ANGPT1: variants seen among roughly 807,000 people sequenced by gnomAD.
ANGPT1 encodes angiopoietin 1.
In ANGPT1, 17 loss-of-function variants were observed where a neutral mutation model predicts 62.2. The ratio of observed to expected loss-of-function variants is 0.27; its 90% CI spans 0.19 to 0.41. The LOEUF (loss-of-function observed/expected upper bound fraction) is 0.41, where lower values mean the gene tolerates loss of function less well. Ranked by LOEUF, ANGPT1 falls within the 10% of genes least tolerant of loss-of-function variation. The pLI is 1.00. For synonymous variants in ANGPT1, 199 were observed against 198.9 expected, an observed-to-expected ratio of 1.00 and a Z score of 0.00; for missense variants, 478 against 594.9, an observed-to-expected ratio of 0.80 and a Z score of 2.04.
At chr8:107,261,245 A>T (rs1813482974) in intron 8 of ANGPT1, among the ~76,000 whole-genome samples, 1 of 148,894 alleles carries the variant, frequency 6.7e-6, no homozygotes, top group Non-Finnish European at 1.5e-5. Context: ...ATCAGGAAAA[A>T]GCTCAAGACC....
At chr8:107,255,441 C>A (rs1019793783) in intron 8 of ANGPT1, among the ~76,000 whole-genome samples, 1 of 152,096 alleles carries the variant, frequency 6.6e-6, no homozygotes, top group Non-Finnish European at 1.5e-5. Context: ...TAGACATTTT[C>A]TTTTGGGCAA....
chr8:107,322,225 AT>A, intron 3 of ANGPT1, 97 bp from the exon 4 acceptor site: 1 of 856,180 alleles, frequency 1.2e-6, no homozygotes, highest in Non-Finnish European at 1.8e-6. Context: ...AAGATGAGAA[AT>A]TTTACATTTC....
intron 1 of ANGPT1, among the ~76,000 whole-genome samples, chr8:107,475,955 G>A (rs566579156): frequency 3.9e-5 from 6 of 152,144 alleles, no homozygotes; most frequent in Non-Finnish European, 8.8e-5. Flanking sequence ...GAGAGGATGT[G>A]GAGAAATAAG....
chr8:107,346,871 T>G, intron 2 of ANGPT1, 71 bp downstream of exon 2: 2 of 1,385,454 alleles, frequency 1.4e-6, no homozygotes, highest in Non-Finnish European at 2.0e-6. Context: ...GTGCTCTGTG[T>G]TTATGGAGAA....
chr8:107,289,105 A>G (rs1814212945), intron 6 of ANGPT1, among the ~76,000 whole-genome samples: 1 of 152,142 alleles, frequency 6.6e-6, no homozygotes, highest in South Asian at 2.1e-4. Context: ...CAATCACCTG[A>G]AAGGTTTTGA....
At chr8:107,449,352 T>G (rs917365675) in intron 1 of ANGPT1, among the ~76,000 whole-genome samples, 7 of 150,750 alleles carry the variant, frequency 4.6e-5, no homozygotes, top group African/African-American at 1.7e-4. Flanking sequence ...TTTACTGACT[T>G]TATAAACCCC....
At chr8:107,317,691 C>T (rs547878677) in intron 4 of ANGPT1, among the ~76,000 whole-genome samples, 18 of 150,368 alleles carry the variant, frequency 1.2e-4, no homozygotes, top group East Asian at 5.9e-4. Context: ...AGTGCAGTGG[C>T]GTGATCTCAG....
chr8:107,386,535 G>A (rs1268791853), intron 1 of ANGPT1, among the ~76,000 whole-genome samples: 17 of 152,080 alleles, frequency 1.1e-4, no homozygotes. Context: ...TTTCAATGGT[G>A]TATTTGTTAG....
chr8:107,280,436 G>A (rs13257393), intron 7 of ANGPT1, among the ~76,000 whole-genome samples: 21,091 of 152,066 alleles, frequency 0.14, 1,695 homozygotes, highest in East Asian at 0.35. Flanking sequence ...AACATTTCCC[G>A]GAAGTGGAAG....
rs147171808 is a variant in ANGPT1 at position 107,469,802 on chromosome 8, C to T, written c.297+27460G>A. ...TAGATTTCTGGCTTTTAAAATTGTACTTCATAAGCTCCTAACACACAACAG... is the reference window on the plus strand; with the variant it reads ...TAGATTTCTGGCTTTTAAAATTGTATTTCATAAGCTCCTAACACACAACAG... On this transcript the variant is annotated intron_variant, in intron 1 of 8. Transcript: ENST00000517746. Among the ~76,000 whole-genome samples, 90 of 152,094 alleles carry T rather than the reference C, an allele frequency of 5.9e-4. No homozygotes were observed. In the Middle Eastern group the frequency reaches 0.01, roughly 17 times the overall value.
chr8:107,421,331 C>T (rs1438777323), intron 1 of ANGPT1, among the ~76,000 whole-genome samples: 1 of 152,022 alleles, frequency 6.6e-6, no homozygotes, highest in Non-Finnish European at 1.5e-5. Context: ...GGAAATCTGC[C>T]AGTAAAAGAA....
chr8:107,459,366 A>G (rs1034884350), intron 1 of ANGPT1, among the ~76,000 whole-genome samples: 8 of 152,064 alleles, frequency 5.3e-5, no homozygotes, highest in Admixed American at 3.9e-4. Context: ...CCTGGCCAAC[A>G]TGGTGAAACC....
chr8:107,425,209 TGGAAAAATCACATTGAA>T (rs1465519932), intron 1 of ANGPT1, among the ~76,000 whole-genome samples: 1 of 152,196 alleles, frequency 6.6e-6, no homozygotes, highest in Non-Finnish European at 1.5e-5. Flanking sequence ...TTCTATGCAT[TGGAAAAATCACATTGAA>T]GGAATATTGT....
chr8:107,320,192 G>A (rs146663655), intron 4 of ANGPT1, among the ~76,000 whole-genome samples: 30 of 152,272 alleles, frequency 2.0e-4, no homozygotes, highest in Middle Eastern at 6.8e-3. Flanking sequence ...TTGAACAGAT[G>A]TTTGCTTCCC....
chr8:107,467,279 C>T (rs1450816369), intron 1 of ANGPT1, among the ~76,000 whole-genome samples: 1 of 151,496 alleles, frequency 6.6e-6, no homozygotes, highest in Non-Finnish European at 1.5e-5. Flanking sequence ...AGTGGTACAA[C>T]TATTAAGTAC....
At chr8:107,298,426 G>C (rs1814472370) in intron 5 of ANGPT1, among the ~76,000 whole-genome samples, 1 of 151,810 alleles carries the variant, frequency 6.6e-6, no homozygotes, top group African/African-American at 2.4e-5. Flanking sequence ...AACATAAAAT[G>C]AAAGGGAAAG....
intron 1 of ANGPT1, among the ~76,000 whole-genome samples, chr8:107,485,947 T>A (rs1812802025): frequency 6.6e-6 from 1 of 152,202 alleles, no homozygotes; most frequent in South Asian, 2.1e-4. Flanking sequence ...TCTAAGGAGT[T>A]ACACAGTAGG....
intron 1 of ANGPT1, 100 bp from the exon 2 acceptor site, chr8:107,347,197 T>G: frequency 8.0e-7 from 1 of 1,248,022 alleles, no homozygotes; most frequent in Non-Finnish European, 1.1e-6. Flanking sequence ...CGCTGGCAAA[T>G]CAGCCATCTG....
At chr8:107,303,205 G>A (rs758364838) in intron 5 of ANGPT1, 35 bp downstream of exon 5, 1 of 1,602,684 alleles carries the variant, frequency 6.2e-7, no homozygotes, top group African/African-American at 1.3e-5. Flanking sequence ...CTGGGATCTG[G>A]CTTACATCTT....
Sources: gnomAD v4.1 joint callset for allele counts (sites outside exome capture counted in the v4.1 genomes callset) on GRCh38, gnomAD v4.1.1 for gene constraint, MANE v1.5 for transcripts, NCBI Gene and HGNC (gene_info 2026-07-23, HGNC 2026-07-21) for gene names.